The following EVC2 variants were observed in gnomAD, a reference collection of about 807,000 sequenced individuals.
EVC2 encodes EvC ciliary complex subunit 2, also known as limbin.
A neutral mutation model predicts 149.3 loss-of-function variants in EVC2; 148 were observed. The observed-to-expected ratio is 0.99, with a 90% CI of 0.87 to 1.14. The LOEUF (loss-of-function observed/expected upper bound fraction) is 1.14, where lower values mean the gene tolerates loss of function less well. Among genes scored for constraint, EVC2 ranks in the 50% most tolerant of loss-of-function variants. The pLI, the probability that EVC2 is intolerant of heterozygous loss-of-function variation, is 0.00. For missense variants in EVC2, 1,854 were observed against 1,627.3 expected, an observed-to-expected ratio of 1.14 and a Z score of -2.40; for synonymous variants, 776 against 649.9, an observed-to-expected ratio of 1.19 and a Z score of -2.95.
At chr4:5,597,175 C>A (rs566549040) in intron 16 of EVC2, among the ~76,000 whole-genome samples, 1 of 152,192 alleles carries the variant, frequency 6.6e-6, no homozygotes, top group East Asian at 1.9e-4. Flanking sequence ...TGAAACTATT[C>A]CAATCAATAG....
chr4:5,547,065 G>T (rs540467918), intron 21 of EVC2, among the ~76,000 whole-genome samples: 1 of 152,334 alleles, frequency 6.6e-6, no homozygotes, highest in Admixed American at 6.5e-5. Flanking sequence ...CACTCTTGGG[G>T]GTCCAGGAAG....
At chr4:5,597,352 C>CA (rs1259686754) in intron 16 of EVC2, among the ~76,000 whole-genome samples, 1 of 152,218 alleles carries the variant, frequency 6.6e-6, no homozygotes, top group Non-Finnish European at 1.5e-5. Flanking sequence ...AGCAGCACAT[C>CA]AAAAAGCTTA....
At chr4:5,552,670 T>C (rs1335539855) in intron 21 of EVC2, among the ~76,000 whole-genome samples, 2 of 152,134 alleles carry the variant, frequency 1.3e-5, no homozygotes, top group African/African-American at 4.8e-5. Flanking sequence ...TTGCCTTTGA[T>C]TGGTGCCTGG....
chr4:5,700,018 G>T (rs10428506), intron 1 of EVC2, among the ~76,000 whole-genome samples: 39,026 of 151,248 alleles, frequency 0.26, 5,319 homozygotes, highest in African/African-American at 0.35. Flanking sequence ...GTGGGTGCCT[G>T]AATCCCAGCT....
intron 2 of EVC2, among the ~76,000 whole-genome samples, chr4:5,695,440 G>A (rs1352607218): frequency 3.3e-5 from 5 of 152,182 alleles, no homozygotes; most frequent in Non-Finnish European, 7.3e-5. Context: ...AGCATTGTGT[G>A]CAAAGCACAG....
At chr4:5,669,503 T>C (rs908246768) in intron 7 of EVC2, among the ~76,000 whole-genome samples, 8 of 152,256 alleles carry the variant, frequency 5.3e-5, no homozygotes, top group Non-Finnish European at 1.0e-4. Flanking sequence ...AAAATGTTTT[T>C]AGTCCTAATC....
At chr4:5,662,673 T>G (rs890832002) in intron 9 of EVC2, among the ~76,000 whole-genome samples, 1 of 146,542 alleles carries the variant, frequency 6.8e-6, no homozygotes, top group African/African-American at 2.5e-5. Flanking sequence ...ATATTAAATA[T>G]AAATATAATA....
rs1399603571 is a variant in EVC2, at chr4:5,563,057, T to C, written c.3718A>G (p.Ser1240Gly). Residue 1240 changes from serine (S) to glycine (G), a missense_variant, in exon 22 of 22, where the codon AGT (serine) becomes GGT (glycine). Coordinates refer to ENST00000344408, the MANE Select transcript of EVC2 (RefSeq NM_147127.5). Reference sequence around the variant, plus strand: ...GGCTCCAGTGACAGGTGTGGCCAACTTCCTTTTCCAGAGAATATCATCCTC... The same window carrying C: ...GGCTCCAGTGACAGGTGTGGCCAACCTCCTTTTCCAGAGAATATCATCCTC... ...RERMIFSGKG[S>G]WPHLSLEPIG... The C allele has an allele frequency of 1.9e-6, 3 of 1,614,060 alleles. No individual in the cohort carries two copies. Among genetic ancestry groups the C allele is most frequent in the Non-Finnish European group, 2.5e-6 (3 of 1,180,038 alleles).
intron 21 of EVC2, among the ~76,000 whole-genome samples, chr4:5,553,135 T>C (rs1721772653): frequency 6.6e-6 from 1 of 152,148 alleles, no homozygotes; most frequent in Non-Finnish European, 1.5e-5. Context: ...GGAAGCATGA[T>C]GCTGGCATCT....
intron 1 of EVC2, chr4:5,708,038 G>T: frequency 2.5e-6 from 1 of 403,708 alleles, no homozygotes; most frequent in Non-Finnish European, 4.4e-6. Flanking sequence ...TGGAGAGCAG[G>T]ATTCGAACCA....
chr4:5,692,643 G>A (rs1038591814), intron 3 of EVC2, among the ~76,000 whole-genome samples: 3 of 151,490 alleles, frequency 2.0e-5, no homozygotes, highest in Admixed American at 6.6e-5. Flanking sequence ...CGAGGCGGGT[G>A]GATCATGAGG....
intron 11 of EVC2, among the ~76,000 whole-genome samples, chr4:5,629,184 A>G (rs1259693392): frequency 6.6e-6 from 1 of 152,194 alleles, no homozygotes; most frequent in African/African-American, 2.4e-5. Flanking sequence ...AAAGAAAGCA[A>G]GAAGGTTTTT....
intron 16 of EVC2, among the ~76,000 whole-genome samples, chr4:5,599,126 C>T (rs1223000332): frequency 2.0e-5 from 3 of 151,872 alleles, no homozygotes; most frequent in African/African-American, 7.3e-5. Context: ...GTTGGTGGGA[C>T]TGTAAACTAG....
In EVC2 at chr4:5,582,218, T is replaced by A. The variant is rs1711859103; in HGVS notation, c.3057+2405A>T. Among the ~76,000 whole-genome samples the A allele has an allele frequency of 2.0e-5, 3 of 152,212 alleles. No homozygotes were observed. The South Asian group carries it at 6.2e-4, about 32-fold the overall frequency. Reference sequence around the variant, plus strand: ...ATGATAGATCCACTGACAGCTTGTATCCTGTGCCTAGAAATATTGCAGGCA... The same window carrying A: ...ATGATAGATCCACTGACAGCTTGTAACCTGTGCCTAGAAATATTGCAGGCA... On this transcript the variant is annotated intron_variant, in intron 17 of 21. Coordinates refer to ENST00000344408, the MANE Select transcript of EVC2 (RefSeq NM_147127.5).
Position 5,612,642 on chromosome 4 carries a change from G to A in EVC2, c.2829+2780C>T, listed in dbSNP as rs561476296. On this transcript the variant is annotated intron_variant, in intron 16 of 21. Transcript: ENST00000344408. The stretch of plus-strand genomic sequence containing the variant: ...GATGGATTAGAAATAATTATGAGAG[G>A]CCGGGCATGGTGGCTCACGCCTATA... Among the ~76,000 whole-genome samples the A allele has an allele frequency of 8.5e-5, 13 of 152,246 alleles. No homozygotes were observed. The East Asian group carries it at 1.9e-3, about 23-fold the overall frequency.
intron 3 of EVC2, among the ~76,000 whole-genome samples, chr4:5,693,889 G>A (rs1315758082): frequency 6.6e-6 from 1 of 152,214 alleles, no homozygotes. Context: ...TTTCCCGTCT[G>A]TAAAATGAGA....
chr4:5,563,755 C>A (rs13102304), intron 21 of EVC2, among the ~76,000 whole-genome samples: 74,399 of 151,790 alleles, frequency 0.49, 21,071 homozygotes, highest in Non-Finnish European at 0.65. Context: ...TCAGAAACCA[C>A]TGCCCCCCTC....
At chr4:5,607,791 G>C (rs1321908874) in intron 16 of EVC2, among the ~76,000 whole-genome samples, 1 of 152,056 alleles carries the variant, frequency 6.6e-6, no homozygotes, top group Non-Finnish European at 1.5e-5. Flanking sequence ...CTGCTTACCT[G>C]AAACTGTGAA....
downstream of EVC2, among the ~76,000 whole-genome samples, chr4:5,559,360 T>C (rs1377763931): frequency 6.6e-6 from 1 of 152,138 alleles, no homozygotes; most frequent in Non-Finnish European, 1.5e-5. The surrounding 1 kb of genome is among the most constrained non-coding windows in gnomAD (Gnocchi z 5.0). Context: ...TATAAACAGG[T>C]TAGTATGTAC....
Sources: gnomAD v4.1 joint callset for allele counts (sites outside exome capture counted in the v4.1 genomes callset) on GRCh38, gnomAD v4.1.1 for gene constraint, Gnocchi (gnomAD v3.1) non-coding constraint, MANE v1.5 for transcripts, NCBI Gene and HGNC (gene_info 2026-07-23, HGNC 2026-07-21) for gene names.